OVOL2: variants seen among roughly 807,000 people sequenced by gnomAD.
OVOL2 encodes ovo like zinc finger 2.
A neutral mutation model predicts 18.1 loss-of-function variants in OVOL2; 13 were observed. The ratio of observed to expected loss-of-function variants is 0.72; its 90% confidence interval spans 0.47 to 1.14. The LOEUF is 1.14. OVOL2 is among the 50% of genes most tolerant of loss of function. OVOL2 has a pLI of 0.00. For synonymous variants in OVOL2, 166 were observed against 162.7 expected, an observed-to-expected ratio of 1.02 and a Z score of -0.16; for missense variants, 335 against 383.0, an observed-to-expected ratio of 0.87 and a Z score of 1.05.
chr20:18,031,188 G>T (rs141985765), intron 3 of OVOL2, among the ~76,000 whole-genome samples: 1 of 152,156 alleles, frequency 6.6e-6, no homozygotes, highest in Non-Finnish European at 1.5e-5. Flanking sequence ...GCCAGGCTGC[G>T]GATCTGCTGC....
At position 18,056,731 on chromosome 20, in the gene OVOL2, CG is replaced by C; in HGVS notation, c.246del (p.Glu83SerfsTer52). On this transcript the variant is annotated frameshift_variant, in exon 2 of 4. Coordinates refer to ENST00000278780, the MANE Select transcript of OVOL2 (RefSeq NM_021220.4). LOFTEE classifies it high-confidence loss of function. The surrounding 1 kb of genome is among the most constrained non-coding windows in gnomAD (Gnocchi z 4.2). ...TCGGGGCCCTCGGCGTCGCCGGGCT[CG>C]GGGGTTTCGCTCTCGGGGGCGTGCG... ...SSPHAPESETPEPGDAEGPDG... is the reference protein window; with the variant it reads ...SSPHAPESETXEPGDAEGPDG... 5 of 1,479,094 alleles carry C rather than the reference CG, an allele frequency of 3.4e-6. No homozygotes were observed. The highest frequency in any genetic ancestry group is 2.6e-5 in the Admixed American group (1 of 38,690). The allele number at this position is 1,479,094 out of a possible 1,614,324, so 91.6% of individuals were successfully genotyped here.
intron 2 of OVOL2, among the ~76,000 whole-genome samples, chr20:18,042,451 T>G (rs962241496): frequency 6.6e-6 from 1 of 152,010 alleles, no homozygotes; most frequent in Non-Finnish European, 1.5e-5. Context: ...GAGTTCTTAC[T>G]CTCATCAGTT....
chr20:18,041,152 C>T (rs746252851), intron 3 of OVOL2, among the ~76,000 whole-genome samples: 2 of 150,950 alleles, frequency 1.3e-5, no homozygotes, highest in South Asian at 2.1e-4. Context: ...GCCCCATCAT[C>T]TTGTGATCTT....
chr20:18,026,616 T>C (rs779396875), intron 3 of OVOL2, among the ~76,000 whole-genome samples: 11 of 152,178 alleles, frequency 7.2e-5, no homozygotes, highest in East Asian at 3.9e-4. Flanking sequence ...CTCCTGACCT[T>C]GTGATCTGCC....
intron 2 of OVOL2, among the ~76,000 whole-genome samples, chr20:18,042,549 G>T (rs1383077729): frequency 1.3e-5 from 2 of 151,942 alleles, no homozygotes; most frequent in African/African-American, 2.4e-5. Context: ...GGCTGAGGTG[G>T]GTGGATCACC....
At chr20:18,048,675 CCAGCCCGAGTGA>C in intron 2 of OVOL2, among the ~76,000 whole-genome samples, 2 of 152,276 alleles carry the variant, frequency 1.3e-5, no homozygotes, top group East Asian at 3.9e-4. Flanking sequence ...CCACTGCATT[CCAGCCCGAGTGA>C]CAGAGAGAGA....
At chr20:18,038,391 C>G (rs2036638532) in intron 3 of OVOL2, among the ~76,000 whole-genome samples, 1 of 152,178 alleles carries the variant, frequency 6.6e-6, no homozygotes, top group African/African-American at 2.4e-5. Context: ...TGATCACACC[C>G]ATTCTAGAGA....
In OVOL2 at chr20:18,057,627, T is replaced by C. The variant is rs749460064; in HGVS notation, c.8A>G (p.Lys3Arg). The C allele has an allele frequency of 3.2e-6, 5 of 1,582,054 alleles. No homozygotes were observed. Among genetic ancestry groups the C allele is most frequent in the Non-Finnish European group, 4.3e-6 (5 of 1,163,698 alleles). Reference protein sequence around the residue: MPKVFLVKRRSLG... With the variant: MPRVFLVKRRSLG... ...GCTCCTCCTCTTCACCAGGAAGACT[T>C]TGGGCATGGTGGGGTCCCCTCTCCC... The change falls in exon 1 of 4, where the codon AAA becomes AGA. Residue 3 changes from lysine to arginine, a missense_variant. By Grantham distance (26) the Lys-to-Arg change is conservative. Transcript: ENST00000278780. The surrounding 1 kb of genome is among the most constrained non-coding windows in gnomAD (Gnocchi z 6.3).
At chr20:18,059,168 G>A (rs1002440644), upstream of OVOL2, 1 of 152,294 alleles carries the variant, frequency 6.6e-6, no homozygotes, top group African/African-American at 2.4e-5. Context: ...GCCCTGAATG[G>A]CCCTTGGGGA....
Position 18,056,925 on chromosome 20 carries a change from C to A in OVOL2, c.101-48G>T, listed in dbSNP as rs554369723. 4.2e-6 allele frequency: 6 copies of A among 1,436,914 alleles called. No homozygotes were observed. The highest frequency in any genetic ancestry group is 5.4e-6 in the Non-Finnish European group (6 of 1,103,942). The allele number at this position is 1,436,914 out of a possible 1,614,324, so 89.0% of individuals were successfully genotyped here. A position where few individuals can be genotyped will look rare whatever the true frequency, so the allele number is the denominator to read the frequency against. On this transcript the variant is annotated intron_variant, in intron 1 of 3. Transcript: ENST00000278780. The surrounding 1 kb of genome is among the most constrained non-coding windows in gnomAD (Gnocchi z 4.2). ...CCGACACACACACTCGGCGTCAACC[C>A]GCACGCCCGCGGCAGTTTGACCTGC...
rs73252017 is a variant in OVOL2, at chr20:18,044,034, G to A, written c.322-2311C>T. ...TCCCAGGACTCAAGGGAGCTCAGTTGCTCCCTTGCCGATGCAGCCTTCTCC... is the reference window on the plus strand; with the variant it reads ...TCCCAGGACTCAAGGGAGCTCAGTTACTCCCTTGCCGATGCAGCCTTCTCC... On this transcript the variant is annotated intron_variant, in intron 2 of 3. Coordinates refer to ENST00000278780, the MANE Select transcript of OVOL2 (RefSeq NM_021220.4). Among the ~76,000 whole-genome samples the A allele has an allele frequency of 7.1e-3, 1,077 of 152,202 alleles. 20 individuals are homozygous for A. Among genetic ancestry groups the A allele is most frequent in the African/African-American group, 0.025 (1,026 of 41,538 alleles).
chr20:18,056,746 C>A lies in OVOL2; in HGVS notation c.232G>T (p.Glu78Ter). Residue 78 changes from glutamate (E) to a stop codon, truncating the protein, a stop_gained, in exon 2 of 4, where the codon GAG becomes TAG. Coordinates refer to ENST00000278780, the MANE Select transcript of OVOL2 (RefSeq NM_021220.4). LOFTEE classifies it high-confidence loss of function. This position sits in a 1 kb window ranked among gnomAD's most constrained non-coding sequence, Gnocchi z 4.2. ...AESSSSPHAP[E>*]SETPEPGDAE... is the part of the protein sequence containing the mutation. ...TCGCCGGGCTCGGGGGTTTCGCTCT[C>A]GGGGGCGTGCGGGGACGAGCTGCTC... 6.7e-7 allele frequency: 1 copy of A among 1,486,192 alleles called. No individual in the cohort carries two copies. The highest frequency in any genetic ancestry group is 8.9e-7 in the Non-Finnish European group (1 of 1,125,502). 92.1% of individuals were successfully genotyped at this position (1,486,192 alleles called of 1,614,324 possible).
chr20:18,034,626 TTCTCTCTC>T (rs11466923), intron 3 of OVOL2, among the ~76,000 whole-genome samples: 2 of 138,052 alleles, frequency 1.4e-5, no homozygotes, highest in Non-Finnish European at 3.1e-5. Flanking sequence ...CTTCCCCTCT[TTCTCTCTC>T]TCTCTCTCTC....
intron 2 of OVOL2, among the ~76,000 whole-genome samples, chr20:18,049,602 T>C (rs2036754703): frequency 6.6e-6 from 1 of 150,898 alleles, no homozygotes. Context: ...CTCCCCTACA[T>C]GGCAGAATGG....
Position 18,056,756 on chromosome 20 carries a change from C to A in OVOL2, c.222G>T (p.Pro74=), listed in dbSNP as rs772696393. ...CGGGGGTTTCGCTCTCGGGGGCGTG[C>A]GGGGACGAGCTGCTCTCTGCTCCTC... ...EPGGAESSSS[P]HAPESETPEP... The change falls in exon 2 of 4, where the codon CCG becomes CCT. Residue 74 remains proline, a synonymous_variant. Transcript: ENST00000278780. The surrounding 1 kb of genome is among the most constrained non-coding windows in gnomAD (Gnocchi z 4.2). 35 of 1,493,814 alleles carry A rather than the reference C, an allele frequency of 2.3e-5. No homozygotes were observed. Among genetic ancestry groups the A allele is most frequent in the African/African-American group, 2.9e-5 (2 of 68,450 alleles). 92.5% of individuals were successfully genotyped at this position (1,493,814 alleles called of 1,614,324 possible). A position where few individuals can be genotyped will look rare whatever the true frequency, so the allele number is the denominator to read the frequency against.
At chr20:18,049,005 G>C (rs1210776448) in intron 2 of OVOL2, among the ~76,000 whole-genome samples, 1 of 152,154 alleles carries the variant, frequency 6.6e-6, no homozygotes, top group Non-Finnish European at 1.5e-5. Flanking sequence ...TAACGAGGTG[G>C]GGAAACTACC....
intron 3 of OVOL2, among the ~76,000 whole-genome samples, chr20:18,034,450 A>T (rs2036597237): frequency 6.6e-6 from 1 of 152,204 alleles, no homozygotes; most frequent in South Asian, 2.1e-4. Context: ...TCCACTTGAC[A>T]GCCCTCCCTC....
At position 18,048,112 on chromosome 20, in the gene OVOL2, C is replaced by T. The variant is rs185041880; in HGVS notation, c.322-6389G>A. 3.5e-4 allele frequency among the ~76,000 whole-genome samples: 53 copies of T among 151,504 alleles called. No homozygotes were observed. In the East Asian group the frequency reaches 7.9e-3, roughly 23 times the overall value. ...GACCAGCCTGGCCAACATGGTGAAA[C>T]TCCATCTCTACTAAAAATACAAAAA... On this transcript the variant is annotated intron_variant, in intron 2 of 3. Transcript: ENST00000278780.
intron 3 of OVOL2, among the ~76,000 whole-genome samples, chr20:18,038,423 C>T (rs1258589974): frequency 2.6e-5 from 4 of 152,110 alleles, no homozygotes; most frequent in African/African-American, 7.2e-5. Flanking sequence ...AGGTGAAAGA[C>T]GAATAATTTA....
Sources: allele counts gnomAD v4.1 joint callset (sites outside exome capture counted in the v4.1 genomes callset), GRCh38; gene constraint gnomAD v4.1.1; non-coding constraint Gnocchi (gnomAD v3.1); transcripts MANE v1.5; gene names NCBI Gene and HGNC (gene_info 2026-07-23, HGNC 2026-07-21).